Variants in CCDC170 observed in about 807,000 individuals in gnomAD.
The protein encoded by CCDC170 is coiled-coil domain-containing protein 170.
Under a neutral mutation model 72.6 loss-of-function variants are expected in CCDC170, and 69 were observed. That is an observed-to-expected ratio of 0.95 (90% CI 0.78 to 1.16). The LOEUF is 1.16. CCDC170 is among the 50% of genes most tolerant of loss of function. The probability of loss-of-function intolerance (pLI) is 0.00; values close to 1 mark genes in which losing one functional copy is unlikely to be tolerated. For missense variants in CCDC170, 852 were observed against 832.5 expected (o/e 1.02, Z -0.29); for synonymous variants, 300 against 303.9 (o/e 0.99, Z 0.13).
Position 151,619,295 on chromosome 6 carries a change from C to G in CCDC170, c.*1148C>G, listed in dbSNP as rs1167351999. The G allele has an allele frequency of 6.6e-6, 1 of 152,036 alleles. No homozygotes were observed. The allele number at this position is 152,036 out of a possible 1,614,324, so 9.4% of individuals were successfully genotyped here. ...AGAAATCCTATATAGTCTTATTCAC[C>G]AATATATCCAATACACCCACAGCAA... On this transcript the variant is annotated 3_prime_UTR_variant, in exon 11 of 11. Transcript: ENST00000239374.
chr6:151,607,303 G>T (rs62444312), intron 9 of CCDC170, among the ~76,000 whole-genome samples: 1 of 152,050 alleles, frequency 6.6e-6, no homozygotes, highest in African/African-American at 2.4e-5. Flanking sequence ...CATAAGTGAG[G>T]ACTTACTCCT....
chr6:151,579,704 T>C (rs1287037476), intron 6 of CCDC170, among the ~76,000 whole-genome samples: 1 of 152,140 alleles, frequency 6.6e-6, no homozygotes, highest in Non-Finnish European at 1.5e-5. Context: ...ATGCTGAAAA[T>C]AGTTTGAGAA....
intron 9 of CCDC170, among the ~76,000 whole-genome samples, chr6:151,605,977 C>T (rs928840613): frequency 6.7e-6 from 1 of 150,310 alleles, no homozygotes; most frequent in Non-Finnish European, 1.5e-5. Flanking sequence ...TCTCAGCTCA[C>T]TGCAACCTCT....
chr6:151,502,062 C>A (rs186288486), intron 1 of CCDC170, among the ~76,000 whole-genome samples: 1 of 152,290 alleles, frequency 6.6e-6, no homozygotes, highest in African/African-American at 2.4e-5. Flanking sequence ...GATACCAGCA[C>A]AGCTATTGCT....
chr6:151,551,574 G>A (rs1583022595), intron 5 of CCDC170, among the ~76,000 whole-genome samples: 1 of 152,308 alleles, frequency 6.6e-6, no homozygotes, highest in Middle Eastern at 3.4e-3. Context: ...TTGCTCTTGA[G>A]GGAAGCCAGG....
chr6:151,506,829 A>G (rs572545217), intron 1 of CCDC170, among the ~76,000 whole-genome samples: 1 of 152,312 alleles, frequency 6.6e-6, no homozygotes, highest in East Asian at 1.9e-4. Flanking sequence ...TGAAGGCCTA[A>G]AGAGAAAAGA....
rs1206804588 is a variant in CCDC170 at position 151,594,641 on chromosome 6, A to ATTTTC, written c.1467+1376_1467+1380dup. Among the ~76,000 whole-genome samples, 5 of 150,734 alleles carry ATTTTC rather than the reference A, an allele frequency of 3.3e-5. No homozygotes were observed. In the East Asian group the frequency reaches 5.8e-4, roughly 18 times the overall value. ...CAGTGTAAAATTGCAATGGAGTGGAATTTTCTTTTCTTTTCTTTTTTTTTT... is the reference window on the plus strand; with the variant it reads ...CAGTGTAAAATTGCAATGGAGTGGAATTTTCTTTTCTTTTCTTTTCTTTTTTTTTT... On this transcript the variant is annotated intron_variant, in intron 8 of 10. Transcript: ENST00000239374.
At chr6:151,504,867 C>A (rs961587605) in intron 1 of CCDC170, among the ~76,000 whole-genome samples, 1 of 151,426 alleles carries the variant, frequency 6.6e-6, no homozygotes, top group Non-Finnish European at 1.5e-5. Flanking sequence ...GAGAGAGCGT[C>A]GAGGACAGAA....
chr6:151,562,825 G>A (rs1776062550), intron 5 of CCDC170, among the ~76,000 whole-genome samples: 1 of 152,152 alleles, frequency 6.6e-6, no homozygotes, highest in South Asian at 2.1e-4. Flanking sequence ...GGAGTGGGTG[G>A]GAAGAGATGG....
Position 151,573,429 on chromosome 6 carries a change from A to C in CCDC170, c.1030A>C (p.Thr344Pro). Residue 344 changes from threonine to proline, a missense_variant, in exon 6 of 11, where the codon ACT becomes CCT. Thr to Pro is a conservative substitution (Grantham distance 38). Transcript: ENST00000239374. ...GGGCAGATTGAGCATGACTGGGTCC[A>C]CTGAGGACACCATTTTGGAGAAGAT... ...LRGRLSMTGSTEDTILEKIRE... is the reference protein window; with the variant it reads ...LRGRLSMTGSPEDTILEKIRE... The C allele has an allele frequency of 1.9e-6, 3 of 1,614,186 alleles. No individual in the cohort carries two copies. The highest frequency in any genetic ancestry group is 2.5e-6 in the Non-Finnish European group (3 of 1,180,028).
At chr6:151,500,463 T>C (rs1490259518) in intron 1 of CCDC170, among the ~76,000 whole-genome samples, 1 of 151,746 alleles carries the variant, frequency 6.6e-6, no homozygotes. Flanking sequence ...TAAATATATA[T>C]GGAGAAAATG....
chr6:151,499,081 A>G (rs1781951541), intron 1 of CCDC170, among the ~76,000 whole-genome samples: 1 of 140,456 alleles, frequency 7.1e-6, no homozygotes, highest in Non-Finnish European at 1.5e-5. Flanking sequence ...TATAAGTGGA[A>G]TCAGACTGTA....
intron 1 of CCDC170, among the ~76,000 whole-genome samples, chr6:151,531,603 A>C (rs1270901576): frequency 1.3e-5 from 2 of 152,264 alleles, no homozygotes; most frequent in African/African-American, 4.8e-5. Flanking sequence ...GTTAGGAACA[A>C]GACAAAATGT....
intron 5 of CCDC170, among the ~76,000 whole-genome samples, chr6:151,554,116 A>T (rs897994212): frequency 1.6e-4 from 24 of 152,228 alleles, no homozygotes; most frequent in African/African-American, 5.5e-4. Context: ...TTAGTAGTTC[A>T]TATTGAAGTA....
At chr6:151,591,775 A>G (rs777211600) in intron 7 of CCDC170, among the ~76,000 whole-genome samples, 44 of 152,096 alleles carry the variant, frequency 2.9e-4, no homozygotes, top group Non-Finnish European at 3.7e-4. Flanking sequence ...GATTACAGGC[A>G]TGAGCCACCG....
At position 151,559,534 on chromosome 6, in the gene CCDC170, G is replaced by A. The variant is rs115063888; in HGVS notation, c.774+11045G>A. On this transcript the variant is annotated intron_variant, in intron 5 of 10. Coordinates refer to ENST00000239374, the MANE Select transcript of CCDC170 (RefSeq NM_025059.4). ...ATTGTTAGTGTATAGAAACACTACT[G>A]ATTTTTGTATGTTTATTTTGTATTC... Among the ~76,000 whole-genome samples, 1,295 of 152,178 alleles carry A rather than the reference G, an allele frequency of 8.5e-3. 24 individuals carry two copies. Among genetic ancestry groups the A allele is most frequent in the African/African-American group, 0.029 (1,221 of 41,520 alleles).
At chr6:151,503,034 G>A (rs1369924864) in intron 1 of CCDC170, among the ~76,000 whole-genome samples, 10 of 152,080 alleles carry the variant, frequency 6.6e-5, no homozygotes, top group African/African-American at 2.4e-4. Flanking sequence ...AAAATTAGCT[G>A]GACATGGTGG....
intron 5 of CCDC170, among the ~76,000 whole-genome samples, chr6:151,551,976 A>G (rs925889767): frequency 6.6e-6 from 1 of 151,544 alleles, no homozygotes; most frequent in Non-Finnish European, 1.5e-5. Flanking sequence ...TTCTTCCCCA[A>G]ATTTGGAACC....
chr6:151,600,294 G>A (rs780446917), intron 9 of CCDC170, among the ~76,000 whole-genome samples: 2 of 152,110 alleles, frequency 1.3e-5, no homozygotes, highest in Non-Finnish European at 2.9e-5. Flanking sequence ...TATTCATAAA[G>A]CAATATTTCT....
Sources: allele counts gnomAD v4.1 joint callset (sites outside exome capture counted in the v4.1 genomes callset), GRCh38; gene constraint gnomAD v4.1.1; transcripts MANE v1.5; gene names NCBI Gene and HGNC (gene_info 2026-07-23, HGNC 2026-07-21).